The following MAP2K1 variants were observed in gnomAD, a reference collection of about 807,000 sequenced individuals.
MAP2K1 encodes the protein dual specificity mitogen-activated protein kinase kinase 1.
A neutral mutation model predicts 46.3 loss-of-function variants in MAP2K1; 16 were observed. The observed-to-expected ratio is 0.35, with a 90% CI of 0.23 to 0.52. MAP2K1 has a LOEUF of 0.52. Among genes scored for constraint, MAP2K1 ranks in the 20% least tolerant of loss-of-function variants. The pLI is 0.94. For synonymous variants in MAP2K1, 183 were observed against 185.6 expected, an observed-to-expected ratio of 0.99 and a Z score of 0.11; for missense variants, 263 against 497.1, an observed-to-expected ratio of 0.53 and a Z score of 4.48.
intron 3 of MAP2K1, among the ~76,000 whole-genome samples, chr15:66,440,499 A>C (rs932554237): frequency 3.3e-5 from 5 of 152,212 alleles, no homozygotes; most frequent in Admixed American, 6.5e-5. Flanking sequence ...CTCTGTGTGC[A>C]CTGCCCAGTC....
chr15:66,449,145 T>C (rs927419355), intron 5 of MAP2K1, among the ~76,000 whole-genome samples: 26 of 151,824 alleles, frequency 1.7e-4, no homozygotes, highest in Non-Finnish European at 2.9e-5. Context: ...CTAAGATAAA[T>C]GAAAACATTT....
At chr15:66,468,278 T>A (rs76371793) in intron 5 of MAP2K1, among the ~76,000 whole-genome samples, 1 of 151,718 alleles carries the variant, frequency 6.6e-6, no homozygotes, top group African/African-American at 2.4e-5. Context: ...CCTTTTTTTT[T>A]CCCCCCTTCT....
intron 1 of MAP2K1, among the ~76,000 whole-genome samples, chr15:66,407,583 G>A (rs1227736225): frequency 1.3e-5 from 2 of 152,156 alleles, no homozygotes; most frequent in Non-Finnish European, 2.9e-5. Flanking sequence ...AGTTTCATGG[G>A]TTACCACTCA....
intron 5 of MAP2K1, among the ~76,000 whole-genome samples, chr15:66,470,852 G>A (rs1892615121): frequency 6.6e-6 from 1 of 152,188 alleles, no homozygotes; most frequent in Non-Finnish European, 1.5e-5. Context: ...AGGAGGTCCT[G>A]ATGATATGTG....
intron 1 of MAP2K1, among the ~76,000 whole-genome samples, chr15:66,422,412 C>T (rs2093445899): frequency 6.6e-6 from 1 of 152,174 alleles, no homozygotes; most frequent in Admixed American, 6.5e-5. Flanking sequence ...AAAATATCTT[C>T]TGTTGTGGAG....
chr15:66,395,865 C>T (rs1020796043), intron 1 of MAP2K1, among the ~76,000 whole-genome samples: 2 of 152,072 alleles, frequency 1.3e-5, no homozygotes, highest in Admixed American at 1.3e-4. Context: ...GCGCCTGGCC[C>T]TCTTGCATGT....
At chr15:66,416,222 C>T (rs566460592) in intron 1 of MAP2K1, among the ~76,000 whole-genome samples, 25 of 152,084 alleles carry the variant, frequency 1.6e-4, no homozygotes, top group Admixed American at 3.3e-4. Flanking sequence ...CCAATGCCTA[C>T]CTTGCTTTTA....
chr15:66,438,990 G>A (rs181823422), intron 3 of MAP2K1, among the ~76,000 whole-genome samples: 26 of 152,312 alleles, frequency 1.7e-4, no homozygotes, highest in Admixed American at 1.4e-3. Context: ...GTCTAGATGG[G>A]ACCATGTAGG....
At chr15:66,476,830 G>A (rs769570667) in intron 5 of MAP2K1, among the ~76,000 whole-genome samples, 1 of 152,232 alleles carries the variant, frequency 6.6e-6, no homozygotes, top group Admixed American at 6.5e-5. Flanking sequence ...TGGGAAGCAA[G>A]TGTGGGGTGC....
chr15:66,435,345 G>A (rs2093485137), intron 2 of MAP2K1, 108 bp downstream of exon 2: 4 of 775,160 alleles, frequency 5.2e-6, no homozygotes, highest in East Asian at 2.9e-5. Context: ...TTTTTGTGCT[G>A]TTTGAATTTT....
chr15:66,469,054 C>T (rs946800586), intron 5 of MAP2K1, among the ~76,000 whole-genome samples: 1 of 146,876 alleles, frequency 6.8e-6, no homozygotes, highest in African/African-American at 2.5e-5. Flanking sequence ...TCAGCAGTTC[C>T]AGACCAGCCT....
At chr15:66,424,178 C>T (rs575590695) in intron 1 of MAP2K1, among the ~76,000 whole-genome samples, 216 of 152,120 alleles carry the variant, frequency 1.4e-3, no homozygotes, top group African/African-American at 5.0e-3. Flanking sequence ...CTGTCTCAGC[C>T]TCCTGAGTAG....
intron 3 of MAP2K1, among the ~76,000 whole-genome samples, chr15:66,442,087 C>G (rs956447838): frequency 6.6e-6 from 1 of 152,198 alleles, no homozygotes; most frequent in Non-Finnish European, 1.5e-5. Flanking sequence ...TGCATCCTCT[C>G]TTGTGCTCTC....
At chr15:66,440,340 T>C (rs1361454219) in intron 3 of MAP2K1, among the ~76,000 whole-genome samples, 1 of 152,172 alleles carries the variant, frequency 6.6e-6, no homozygotes, top group African/African-American at 2.4e-5. Context: ...AATCTGCCTG[T>C]CTCGGCCTCT....
intron 5 of MAP2K1, among the ~76,000 whole-genome samples, chr15:66,479,129 C>G (rs1892855002): frequency 6.6e-6 from 1 of 151,628 alleles, no homozygotes; most frequent in Admixed American, 6.6e-5. Flanking sequence ...AGGAGTCTCA[C>G]TCTGTCACCC....
At chr15:66,406,491 T>C (rs2093397010) in intron 1 of MAP2K1, among the ~76,000 whole-genome samples, 2 of 152,236 alleles carry the variant, frequency 1.3e-5, no homozygotes, top group African/African-American at 2.4e-5. Flanking sequence ...GCGATTGATA[T>C]TTTTAGGAAG....
intron 6 of MAP2K1, among the ~76,000 whole-genome samples, chr15:66,484,147 C>G (rs1025677564): frequency 2.0e-5 from 3 of 151,482 alleles, no homozygotes; most frequent in South Asian, 4.2e-4. Context: ...CCACCCCCCC[C>G]CACCTTTTTT....
chr15:66,408,566 G>A (rs2093403625), intron 1 of MAP2K1, among the ~76,000 whole-genome samples: 1 of 152,080 alleles, frequency 6.6e-6, no homozygotes, highest in Non-Finnish European at 1.5e-5. Context: ...GGGTTGTGTT[G>A]GGCGGGGGTC....
At chr15:66,401,043 A>G (rs2093380518) in intron 1 of MAP2K1, among the ~76,000 whole-genome samples, 1 of 152,222 alleles carries the variant, frequency 6.6e-6, no homozygotes, top group Non-Finnish European at 1.5e-5. Flanking sequence ...AGTCGAGATC[A>G]GTTGATTTTT....
Sources: allele counts gnomAD v4.1 joint callset (sites outside exome capture counted in the v4.1 genomes callset), GRCh38; gene constraint gnomAD v4.1.1; transcripts MANE v1.5; gene names NCBI Gene and HGNC (gene_info 2026-07-23, HGNC 2026-07-21).